PLXNC1: variants seen among roughly 807,000 people sequenced by gnomAD.
PLXNC1 encodes the protein plexin-C1.
PLXNC1 carries 75 observed loss-of-function variants against 178.2 expected under a neutral mutation model. That is an observed-to-expected ratio of 0.42 (90% CI 0.35 to 0.51). PLXNC1 has a LOEUF of 0.51. Ranked by LOEUF, PLXNC1 falls within the 20% of genes least tolerant of loss-of-function variation. The pLI, the probability that PLXNC1 is intolerant of heterozygous loss-of-function variation, is 0.02. For synonymous variants in PLXNC1, 790 were observed against 779.9 expected (o/e 1.01, Z -0.22); for missense variants, 1,503 against 1,984.4 (o/e 0.76, Z 4.61).
chr12:94,166,592 C>T (rs1157954506), intron 1 of PLXNC1, among the ~76,000 whole-genome samples: 2 of 150,650 alleles, frequency 1.3e-5, no homozygotes, highest in Non-Finnish European at 3.0e-5. Context: ...TTTTTTGTAA[C>T]CACCCTGCCA....
At chr12:94,301,097 G>A (rs1339380912) in intron 28 of PLXNC1, 40 bp downstream of exon 28, 2 of 1,580,782 alleles carry the variant, frequency 1.3e-6, no homozygotes, top group Non-Finnish European at 1.7e-6. Flanking sequence ...GCAGTCTTAT[G>A]AGTTTGACAT....
At chr12:94,182,907 C>CATCT (rs1555196308) in intron 3 of PLXNC1, among the ~76,000 whole-genome samples, 3 of 133,862 alleles carry the variant, frequency 2.2e-5, no homozygotes, top group East Asian at 2.2e-4. Context: ...ATCTATCTAT[C>CATCT]ATCTATCTAT....
At position 94,300,921 on chromosome 12, in the gene PLXNC1, G is replaced by A. The variant is rs755505068; in HGVS notation, c.4250G>A (p.Arg1417His). ...CTCTCTTTGAACAGCCTTCCTCTTC[G>A]CTTCTGGGTAAACATCCTGAAGAAC... ...HIWKTNSLPLRFWVNILKNPQ... is the reference protein window; with the variant it reads ...HIWKTNSLPLHFWVNILKNPQ... The change falls in exon 28 of 31, where the codon CGC becomes CAC. Residue 1417 changes from arginine (R) to histidine (H), a missense_variant. Physicochemically the swap from Arg to His is conservative, Grantham distance 29. Coordinates refer to ENST00000258526, the MANE Select transcript of PLXNC1 (RefSeq NM_005761.3). 2.1e-5 allele frequency: 34 copies of A among 1,611,866 alleles called. No individual in the cohort carries two copies. Among genetic ancestry groups the A allele is most frequent in the Non-Finnish European group, 2.8e-5 (33 of 1,178,512 alleles).
At position 94,259,274 on chromosome 12, in the gene PLXNC1, C is replaced by T. The variant is rs573466753; in HGVS notation, c.3088-63C>T. On this transcript the variant is annotated intron_variant, in intron 17 of 30. Coordinates refer to ENST00000258526, the MANE Select transcript of PLXNC1 (RefSeq NM_005761.3). The stretch of plus-strand genomic sequence containing the variant: ...ATTAAAACGGACTTGGGTATTATAA[C>T]AAAAATACACTCTTCATTTCCTTTG... 9.3e-6 allele frequency: 12 copies of T among 1,291,080 alleles called. No homozygotes were observed. In the South Asian group the frequency reaches 1.5e-4, roughly 17 times the overall value. The allele number at this position is 1,291,080 out of a possible 1,614,324, so 80.0% of individuals were successfully genotyped here.
rs759297116 is a variant in PLXNC1 at position 94,226,716 on chromosome 12, A to T, written c.1893+9A>T. The stretch of plus-strand genomic sequence containing the variant: ...ATTATGAGAGAAACCAGGTAAAGTG[A>T]CATTTTTGGTATTGTAAGTCTTAAC... On this transcript the variant is annotated intron_variant, in intron 8 of 30. Coordinates refer to ENST00000258526, the MANE Select transcript of PLXNC1 (RefSeq NM_005761.3). 8 of 1,591,452 alleles carry T rather than the reference A, an allele frequency of 5.0e-6. No individual in the cohort carries two copies. Among genetic ancestry groups the T allele is most frequent in the Middle Eastern group, 1.7e-4 (1 of 6,036 alleles).
chr12:94,279,853 G>A (rs573124384), intron 22 of PLXNC1: 17 of 694,576 alleles, frequency 2.4e-5, no homozygotes, highest in African/African-American at 1.9e-4. Context: ...AAGGAAGCAC[G>A]GTCCTTCAAA....
intron 27 of PLXNC1, among the ~76,000 whole-genome samples, chr12:94,299,284 C>T (rs889143319): frequency 6.6e-6 from 1 of 152,072 alleles, no homozygotes; most frequent in Non-Finnish European, 1.5e-5. Flanking sequence ...AATATTTTAC[C>T]TTAAGGACAG....
intron 20 of PLXNC1, among the ~76,000 whole-genome samples, chr12:94,262,277 G>C (rs1412910779): frequency 6.6e-6 from 1 of 152,210 alleles, no homozygotes; most frequent in African/African-American, 2.4e-5. Context: ...TCTCAGCCCC[G>C]GTCAGCTGTG....
At chr12:94,270,980 C>T (rs553229940) in intron 21 of PLXNC1, among the ~76,000 whole-genome samples, 1 of 152,158 alleles carries the variant, frequency 6.6e-6, no homozygotes, top group East Asian at 1.9e-4. Flanking sequence ...CTGACTCTGG[C>T]TTGGAAAGAA....
At chr12:94,155,758 C>T (rs1961144990) in intron 1 of PLXNC1, among the ~76,000 whole-genome samples, 4 of 152,164 alleles carry the variant, frequency 2.6e-5, no homozygotes, top group Non-Finnish European at 2.9e-5. Flanking sequence ...TGTCTAGAGT[C>T]GTCTATTGTG....
At chr12:94,190,778 A>G (rs1195953306) in intron 4 of PLXNC1, among the ~76,000 whole-genome samples, 1 of 152,020 alleles carries the variant, frequency 6.6e-6, no homozygotes, top group Non-Finnish European at 1.5e-5. Context: ...TGTTTACTTA[A>G]CCCCAGACAT....
chr12:94,300,026 G>C (rs1341491904), intron 27 of PLXNC1, among the ~76,000 whole-genome samples: 1 of 152,216 alleles, frequency 6.6e-6, no homozygotes, highest in African/African-American at 2.4e-5. Flanking sequence ...AGCTAGGCCA[G>C]AGTTGAAAAG....
chr12:94,291,094 G>A (rs1967274866), intron 23 of PLXNC1, among the ~76,000 whole-genome samples: 1 of 152,232 alleles, frequency 6.6e-6, no homozygotes, highest in South Asian at 2.1e-4. Flanking sequence ...GGGCACTGTA[G>A]GGCCACTTGA....
At position 94,260,587 on chromosome 12, in the gene PLXNC1, T is replaced by C. The variant is rs1964967314; in HGVS notation, c.3252-55T>C. ...CAGTGAGCTTCCATGGAAACTCCCA[T>C]GGGTGTCCAGCTAGGCCTGCAGCCA... On this transcript the variant is annotated intron_variant, in intron 19 of 30. Coordinates refer to ENST00000258526, the MANE Select transcript of PLXNC1 (RefSeq NM_005761.3). The surrounding 1 kb of genome is among the most constrained non-coding windows in gnomAD (Gnocchi z 4.4). 5 of 1,328,120 alleles carry C rather than the reference T, an allele frequency of 3.8e-6. No homozygotes were observed. In the Admixed American group the frequency reaches 8.8e-5, roughly 23 times the overall value. 82.3% of individuals were successfully genotyped at this position (1,328,120 alleles called of 1,614,324 possible). A position where few individuals can be genotyped will look rare whatever the true frequency, so the allele number is the denominator to read the frequency against.
intron 4 of PLXNC1, among the ~76,000 whole-genome samples, chr12:94,200,826 T>C (rs1312114874): frequency 6.6e-6 from 1 of 152,232 alleles, no homozygotes; most frequent in Non-Finnish European, 1.5e-5. Context: ...CAAACCCATT[T>C]TGTGTGAGTG....
intron 4 of PLXNC1, among the ~76,000 whole-genome samples, chr12:94,195,404 G>C (rs1297573285): frequency 1.3e-5 from 2 of 152,076 alleles, no homozygotes; most frequent in African/African-American, 4.8e-5. Context: ...ACGTCTCCCA[G>C]TGCATCCATG....
rs747496400 is a variant in PLXNC1, at chr12:94,240,457, TGA to T, written c.2121-24_2121-23del. On this transcript the variant is annotated intron_variant, in intron 10 of 30. Transcript: ENST00000258526. ...AACTGTGCTAAGTGTCTGTGTCATGTGAGAGTTCTTTTTCTACTCTTTTCTAG... is the reference window on the plus strand; with the variant it reads ...AACTGTGCTAAGTGTCTGTGTCATGTGAGTTCTTTTTCTACTCTTTTCTAG... 3.2e-6 allele frequency: 5 copies of T among 1,578,990 alleles called. No individual in the cohort carries two copies. The African/African-American group carries it at 6.7e-5, about 21-fold the overall frequency.
At chr12:94,301,633 T>C (rs1373901596) in intron 28 of PLXNC1, among the ~76,000 whole-genome samples, 1 of 152,146 alleles carries the variant, frequency 6.6e-6, no homozygotes, top group East Asian at 1.9e-4. Flanking sequence ...CTCCAAAATA[T>C]ACTAAACTGA....
At chr12:94,234,542 G>T (rs1197457153) in intron 9 of PLXNC1, among the ~76,000 whole-genome samples, 1 of 152,190 alleles carries the variant, frequency 6.6e-6, no homozygotes, top group Non-Finnish European at 1.5e-5. Context: ...AAATAACCCT[G>T]AAGTCTTTAA....
Sources: allele counts gnomAD v4.1 joint callset (sites outside exome capture counted in the v4.1 genomes callset), GRCh38; gene constraint gnomAD v4.1.1; non-coding constraint Gnocchi (gnomAD v3.1); transcripts MANE v1.5; gene names NCBI Gene and HGNC (gene_info 2026-07-23, HGNC 2026-07-21).